The following CYGB variants were observed in gnomAD, a reference collection of about 807,000 sequenced individuals.
CYGB encodes the protein histoglobin.
In CYGB, 13 loss-of-function variants were observed where a neutral mutation model predicts 20.7. The ratio of observed to expected loss-of-function variants is 0.63; its 90% CI spans 0.41 to 1.00. CYGB has a LOEUF of 1.00. CYGB is among the 50% of genes least tolerant of loss of function. The probability of loss-of-function intolerance (pLI) is 0.00; values close to 1 mark genes in which losing one functional copy is unlikely to be tolerated. For synonymous variants in CYGB, 93 were observed against 107.4 expected (o/e 0.87, Z 0.83); for missense variants, 218 against 257.2 (o/e 0.85, Z 1.04).
In CYGB at chr17:76,528,649, A is replaced by G; in HGVS notation, c.540-38T>C. ...TAGGAAGGGAAGGACAAACGTTACCAGAGGCAGGGAAGGACCCTCGGGGGA... is the reference window on the plus strand; with the variant it reads ...TAGGAAGGGAAGGACAAACGTTACCGGAGGCAGGGAAGGACCCTCGGGGGA... On this transcript the variant is annotated intron_variant, in intron 3 of 3. Coordinates refer to ENST00000293230, the MANE Select transcript of CYGB (RefSeq NM_134268.5). This position sits in a 1 kb window ranked among gnomAD's most constrained non-coding sequence, Gnocchi z 5.8. 7.9e-7 allele frequency: 1 copy of G among 1,263,248 alleles called. No homozygotes were observed. The highest frequency in any genetic ancestry group is 1.0e-6 in the Non-Finnish European group (1 of 995,682). 78.3% of individuals were successfully genotyped at this position (1,263,248 alleles called of 1,614,324 possible).
chr17:76,543,887 A>G (rs1480720930), intron 1 of CYGB: 1 of 471,090 alleles, frequency 2.1e-6, no homozygotes, highest in Non-Finnish European at 4.4e-6. Context: ...GTCTGCCTGC[A>G]GCTGGATGGG....
intron 1 of CYGB, chr17:76,545,319 G>A (rs1307392110): frequency 2.2e-6 from 1 of 456,772 alleles, no homozygotes; most frequent in South Asian, 1.5e-5. Context: ...TTAGTGTGAA[G>A]CTCAGGGCAA....
chr17:76,550,381 C>G (rs547835572), intron 1 of CYGB: 2 of 152,156 alleles, frequency 1.3e-5, no homozygotes, highest in Admixed American at 6.5e-5. Flanking sequence ...CTGCCTCAGC[C>G]TCCTGAGTAG....
chr17:76,540,307 C>A, upstream of CYGB: 1 of 1,406,746 alleles, frequency 7.1e-7, no homozygotes, highest in Non-Finnish European at 9.8e-7. The surrounding 1 kb of genome is among the most constrained non-coding windows in gnomAD (Gnocchi z 5.0). Flanking sequence ...GCAGGGGCTG[C>A]GTGAACCTTC....
Position 76,531,886 on chromosome 17 carries a change from T to C in CYGB, c.144-195A>G. On this transcript the variant is annotated intron_variant, in intron 1 of 3. Coordinates refer to ENST00000293230, the MANE Select transcript of CYGB (RefSeq NM_134268.5). The surrounding 1 kb of genome is among the most constrained non-coding windows in gnomAD (Gnocchi z 7.4). ...GCCAAGCCGGCTCACCCCTACCAAG[T>C]CTGGCCATGTCTATCTGCCAGGCTT... 3.8e-6 allele frequency: 2 copies of C among 531,720 alleles called. No homozygotes were observed. Among genetic ancestry groups the C allele is most frequent in the Admixed American group, 3.4e-5 (1 of 29,658 alleles). The allele number at this position is 531,720 out of a possible 1,614,324, so 32.9% of individuals were successfully genotyped here.
At position 76,527,701 on chromosome 17, in the gene CYGB, G is replaced by C. The variant is rs573805475; in HGVS notation, c.*877C>G. On this transcript the variant is annotated 3_prime_UTR_variant, in exon 4 of 4. Coordinates refer to ENST00000293230, the MANE Select transcript of CYGB (RefSeq NM_134268.5). ...CCGCCGACCTGCTGCCCAGCAGCCC[G>C]GATCCCCCGGGGCTGCCCTGGTGGC... The C allele has an allele frequency of 4.4e-6, 2 of 453,898 alleles. No individual in the cohort carries two copies. Among genetic ancestry groups the C allele is most frequent in the Non-Finnish European group, 8.8e-6 (2 of 226,738 alleles). The allele number at this position is 453,898 out of a possible 1,614,324, so 28.1% of individuals were successfully genotyped here.
intron 1 of CYGB, chr17:76,545,703 G>A (rs983457684): frequency 6.9e-5 from 19 of 276,818 alleles, no homozygotes; most frequent in Non-Finnish European, 1.3e-4. Flanking sequence ...ACTGGTATCT[G>A]TCTCTTAGAG....
intron 1 of CYGB, chr17:76,543,060 G>A (rs754238529): frequency 2.1e-6 from 1 of 472,140 alleles, no homozygotes; most frequent in Admixed American, 2.3e-5. Context: ...TAGCCCAGGA[G>A]GATGCTGTGG....
At position 76,530,320 on chromosome 17, in the gene CYGB, C is replaced by T. The variant is rs1031591795; in HGVS notation, c.539+659G>A. On this transcript the variant is annotated intron_variant, in intron 3 of 3. Coordinates refer to ENST00000293230, the MANE Select transcript of CYGB (RefSeq NM_134268.5). The surrounding 1 kb of genome is among the most constrained non-coding windows in gnomAD (Gnocchi z 6.1). The stretch of plus-strand genomic sequence containing the variant: ...TCTGGGGGCTAGCCCTCCCCTCACG[C>T]TCCGAGTCAGCAGGAGTCACAGAGG... Among the ~76,000 whole-genome samples the T allele has an allele frequency of 2.6e-5, 4 of 152,130 alleles. No homozygotes were observed. Among genetic ancestry groups the T allele is most frequent in the African/African-American group, 7.2e-5 (3 of 41,414 alleles).
upstream of CYGB, chr17:76,540,247 T>TGTTG: frequency 4.6e-6 from 1 of 218,306 alleles, no homozygotes; most frequent in Non-Finnish European, 7.7e-6. This position sits in a 1 kb window ranked among gnomAD's most constrained non-coding sequence, Gnocchi z 5.0. Flanking sequence ...GGCTGGCGGT[T>TGTTG]GGTCGGGGGG....
intron 1 of CYGB, among the ~76,000 whole-genome samples, chr17:76,532,871 G>C (rs1210518110): frequency 1.3e-5 from 2 of 152,146 alleles, no homozygotes; most frequent in African/African-American, 4.8e-5. Context: ...CCCTGTCGGG[G>C]CTGGATGTCA....
In CYGB at chr17:76,533,387, T is replaced by TA. The variant is rs1397169080; in HGVS notation, c.144-1697dup. On this transcript the variant is annotated intron_variant, in intron 1 of 3. Transcript: ENST00000293230. This position sits in a 1 kb window ranked among gnomAD's most constrained non-coding sequence, Gnocchi z 4.5. The stretch of plus-strand genomic sequence containing the variant: ...AAATGTGAAAAACCCAATTTGGACT[T>TA]AAACAAGCATCTCAGACTTTGGAGG... Among the ~76,000 whole-genome samples the TA allele has an allele frequency of 1.3e-5, 2 of 152,182 alleles. No individual in the cohort carries two copies. The highest frequency in any genetic ancestry group is 4.8e-5 in the African/African-American group (2 of 41,446).
rs984704162 is a variant in CYGB at position 76,531,710 on chromosome 17, G to A, written c.144-19C>T. 1.3e-6 allele frequency: 2 copies of A among 1,570,638 alleles called. No homozygotes were observed. The highest frequency in any genetic ancestry group is 2.7e-5 in the African/African-American group (2 of 74,132). ...AAAGAACCTGGCAAGAGGAACAGGG[G>A]TGGTCGCTGAAGCTGGAGGCTGCCT... On this transcript the variant is annotated intron_variant, in intron 1 of 3. Transcript: ENST00000293230. The surrounding 1 kb of genome is among the most constrained non-coding windows in gnomAD (Gnocchi z 7.4).
upstream of CYGB, chr17:76,540,373 G>C: frequency 7.7e-7 from 1 of 1,294,470 alleles, no homozygotes. This position sits in a 1 kb window ranked among gnomAD's most constrained non-coding sequence, Gnocchi z 5.0. Flanking sequence ...TCTCAGAGCA[G>C]GGGGACTTAG....
chr17:76,533,309 C>T lies in CYGB; in HGVS notation c.144-1618G>A, dbSNP rs1025685065. Reference sequence around the variant, plus strand: ...GATACACGGGTGAGGACACGTGAGGCGACGGGTCTGAAAATACATTGAATT... The same window carrying T: ...GATACACGGGTGAGGACACGTGAGGTGACGGGTCTGAAAATACATTGAATT... On this transcript the variant is annotated intron_variant, in intron 1 of 3. Transcript: ENST00000293230. The surrounding 1 kb of genome is among the most constrained non-coding windows in gnomAD (Gnocchi z 4.5). Among the ~76,000 whole-genome samples the T allele has an allele frequency of 3.3e-5, 5 of 152,114 alleles. No homozygotes were observed. Among genetic ancestry groups the T allele is most frequent in the African/African-American group, 9.7e-5 (4 of 41,394 alleles).
At chr17:76,539,777 C>T (rs557995488), upstream of CYGB, among the ~76,000 whole-genome samples, 27 of 152,332 alleles carry the variant, frequency 1.8e-4, no homozygotes, top group Admixed American at 4.6e-4. Context: ...GCCCTGTAGG[C>T]GCCTTGAATA....
chr17:76,543,414 C>T lies in CYGB; in HGVS notation c.-53+7448G>A, dbSNP rs574585276. Reference sequence around the variant, plus strand: ...GTGAGGAGACCCCAGAAGCAAGGGACGGCTGATAGCTCACATTTACTAAGC... The same window carrying T: ...GTGAGGAGACCCCAGAAGCAAGGGATGGCTGATAGCTCACATTTACTAAGC... On this transcript the variant is annotated intron_variant, in intron 1 of 3. Coordinates refer to the CYGB transcript ENST00000589145. 17 of 336,478 alleles carry T rather than the reference C, an allele frequency of 5.1e-5. 1 individual carries two copies. The highest frequency in any genetic ancestry group is 1.7e-4 in the African/African-American group (8 of 46,574). The allele number at this position is 336,478 out of a possible 1,614,324, so 20.8% of individuals were successfully genotyped here.
In CYGB at chr17:76,544,076, C is replaced by A. The variant is rs903171307; in HGVS notation, c.-53+6786G>T. 1.5e-4 allele frequency: 70 copies of A among 454,532 alleles called. No individual in the cohort carries two copies. The Admixed American group carries it at 1.6e-3, about 11-fold the overall frequency. The allele number at this position is 454,532 out of a possible 1,614,324, so 28.2% of individuals were successfully genotyped here. A position where few individuals can be genotyped will look rare whatever the true frequency, so the allele number is the denominator to read the frequency against. On this transcript the variant is annotated intron_variant, in intron 1 of 3. Coordinates refer to the CYGB transcript ENST00000589145. ...AGCTGCTCTGCCATTTCTCTCTTTT[C>A]AATCCTGCATGATCCTGAGCAGAGA... is the stretch of plus-strand genomic sequence containing the variant.
At chr17:76,534,379 A>T (rs1388528658) in intron 1 of CYGB, among the ~76,000 whole-genome samples, 1 of 152,100 alleles carries the variant, frequency 6.6e-6, no homozygotes, top group Non-Finnish European at 1.5e-5. Flanking sequence ...GGGTTTCGCC[A>T]TGCTGGCCAG....
Sources: gnomAD v4.1 joint callset for allele counts (sites outside exome capture counted in the v4.1 genomes callset) on GRCh38, gnomAD v4.1.1 for gene constraint, Gnocchi (gnomAD v3.1) non-coding constraint, MANE v1.5 for transcripts, NCBI Gene and HGNC (gene_info 2026-07-23, HGNC 2026-07-21) for gene names.